FTO: variants seen among roughly 807,000 people sequenced by gnomAD.
FTO encodes alpha-ketoglutarate-dependent dioxygenase FTO.
In FTO, 47 loss-of-function variants were observed where a neutral mutation model predicts 63.9. The observed-to-expected ratio is 0.74, with a 90% CI of 0.58 to 0.94. The LOEUF (loss-of-function observed/expected upper bound fraction) is 0.94. FTO is among the 40% of genes least tolerant of loss of function. The pLI is 0.00. For missense variants in FTO, 562 were observed against 618.1 expected (o/e 0.91, Z 0.96); for synonymous variants, 207 against 224.4 (o/e 0.92, Z 0.69).
intron 8 of FTO, among the ~76,000 whole-genome samples, chr16:54,031,986 C>T (rs2084842829): frequency 6.6e-6 from 1 of 152,072 alleles, no homozygotes; most frequent in South Asian, 2.1e-4. Flanking sequence ...CTGGCTGAAA[C>T]AGAAAATTCA....
intron 2 of FTO, among the ~76,000 whole-genome samples, chr16:53,811,257 T>G (rs11649091): frequency 0.34 from 51,104 of 151,986 alleles, 10,061 homozygotes; most frequent in Non-Finnish European, 0.44. Flanking sequence ...AATAATAAAT[T>G]TTCACCTCTT....
chr16:53,706,500 C>G (rs2075623966), intron 1 of FTO, among the ~76,000 whole-genome samples: 1 of 152,104 alleles, frequency 6.6e-6, no homozygotes, highest in African/African-American at 2.4e-5. Flanking sequence ...TCTGTATTTT[C>G]TAGATTTCAT....
chr16:53,831,788 C>T lies in FTO; in HGVS notation c.751+5297C>T, dbSNP rs1200410076. Among the ~76,000 whole-genome samples the T allele has an allele frequency of 2.6e-5, 4 of 151,852 alleles. 1 individual carries two copies. The highest frequency in any genetic ancestry group is 5.9e-5 in the Non-Finnish European group (4 of 68,018). Reference sequence around the variant, plus strand: ...CACTGAGAAATTTGAAGCGGGAGCACATAGGCGGGAAGATAGAACATGATT... The same window carrying T: ...CACTGAGAAATTTGAAGCGGGAGCATATAGGCGGGAAGATAGAACATGATT... On this transcript the variant is annotated intron_variant, in intron 3 of 8. Transcript: ENST00000471389.
chr16:54,094,058 G>T (rs1488415222), intron 8 of FTO, among the ~76,000 whole-genome samples: 1 of 152,088 alleles, frequency 6.6e-6, no homozygotes, highest in Non-Finnish European at 1.5e-5. Context: ...ATCACCCCCA[G>T]ACAGTGAAGG....
At chr16:53,777,167 C>T (rs1295590875) in intron 1 of FTO, among the ~76,000 whole-genome samples, 1 of 152,100 alleles carries the variant, frequency 6.6e-6, no homozygotes, top group South Asian at 2.1e-4. Context: ...CTTAGGTCTC[C>T]TGTCAAACTG....
At chr16:53,957,254 C>A (rs535320154) in intron 8 of FTO, among the ~76,000 whole-genome samples, 1 of 152,148 alleles carries the variant, frequency 6.6e-6, no homozygotes, top group Non-Finnish European at 1.5e-5. Context: ...AATTAAACCA[C>A]GATTTGACAG....
At chr16:53,727,773 C>T (rs952064410) in intron 1 of FTO, among the ~76,000 whole-genome samples, 3 of 152,118 alleles carry the variant, frequency 2.0e-5, no homozygotes, top group Admixed American at 1.3e-4. Context: ...TCACTGAACC[C>T]CTTAGTCTCA....
At chr16:54,063,674 C>T (rs1231505571) in intron 8 of FTO, 1 of 150,688 alleles carries the variant, frequency 6.6e-6, no homozygotes, top group Non-Finnish European at 1.5e-5. Flanking sequence ...CCCAGAGGCA[C>T]AGCCATTTAG....
chr16:53,953,875 G>T (rs1238254552), intron 8 of FTO, among the ~76,000 whole-genome samples: 1 of 152,166 alleles, frequency 6.6e-6, no homozygotes, highest in Non-Finnish European at 1.5e-5. Flanking sequence ...TCTCCACAGT[G>T]CATTTTTGTG....
chr16:53,828,500 C>G (rs1312615411), intron 3 of FTO, among the ~76,000 whole-genome samples: 1 of 152,192 alleles, frequency 6.6e-6, no homozygotes, highest in Non-Finnish European at 1.5e-5. Context: ...AGCCACCATG[C>G]CCGGCCTCCT....
At chr16:53,816,861 A>C (rs1157912229) in intron 2 of FTO, among the ~76,000 whole-genome samples, 1 of 152,192 alleles carries the variant, frequency 6.6e-6, no homozygotes, top group East Asian at 1.9e-4. Context: ...TTCTAGAGAG[A>C]AAATAGACGT....
At chr16:54,101,520 T>C (rs1490192808) in intron 8 of FTO, among the ~76,000 whole-genome samples, 5 of 152,214 alleles carry the variant, frequency 3.3e-5, no homozygotes. Flanking sequence ...TTTATGGCTT[T>C]ATTGTATTCC....
intron 8 of FTO, among the ~76,000 whole-genome samples, chr16:53,990,015 G>A (rs2083767980): frequency 6.6e-6 from 1 of 151,662 alleles, no homozygotes; most frequent in South Asian, 2.1e-4. Context: ...GAATGTGTGT[G>A]TACATATAAA....
intron 4 of FTO, among the ~76,000 whole-genome samples, chr16:53,844,633 G>A (rs1352648476): frequency 7.3e-6 from 1 of 136,646 alleles, no homozygotes; most frequent in African/African-American, 2.7e-5. Flanking sequence ...TTAATATTTT[G>A]TATTTTTAGT....
chr16:53,901,281 G>A (rs577310285), intron 7 of FTO, among the ~76,000 whole-genome samples: 2 of 152,284 alleles, frequency 1.3e-5, no homozygotes, highest in East Asian at 1.9e-4. Context: ...TTGGTCAGAA[G>A]CAGGTCTTCC....
At chr16:53,957,508 A>C (rs1440400080) in intron 8 of FTO, among the ~76,000 whole-genome samples, 1 of 152,226 alleles carries the variant, frequency 6.6e-6, no homozygotes, top group African/African-American at 2.4e-5. Flanking sequence ...GTAGTGGAAT[A>C]GGGTCTGTGA....
At chr16:53,785,311 C>T (rs753605373) in intron 1 of FTO, among the ~76,000 whole-genome samples, 1 of 152,048 alleles carries the variant, frequency 6.6e-6, no homozygotes, top group Non-Finnish European at 1.5e-5. Flanking sequence ...ATGAAGTAGA[C>T]ATAAAATAAT....
rs141270327 is a variant in FTO, at chr16:54,112,194, G to C, written c.*279G>C. 1 of 446,408 alleles carries C rather than the reference G, an allele frequency of 2.2e-6. No homozygotes were observed. The highest frequency in any genetic ancestry group is 4.7e-5 in the East Asian group (1 of 21,166). 27.7% of individuals were successfully genotyped at this position (446,408 alleles called of 1,614,324 possible). A position where few individuals can be genotyped will look rare whatever the true frequency, so the allele number is the denominator to read the frequency against. ...ATTCAGCCCCCAAGGTCCAGGGCAG[G>C]CGACAGGAACGAGCCCAGCGTGTGA... On this transcript the variant is annotated 3_prime_UTR_variant, in exon 9 of 9. Transcript: ENST00000471389.
chr16:54,017,770 C>G (rs1198152327), intron 8 of FTO, among the ~76,000 whole-genome samples: 1 of 152,150 alleles, frequency 6.6e-6, no homozygotes, highest in Non-Finnish European at 1.5e-5. Context: ...AATCCTGGTG[C>G]TAATGAGCTT....
Sources: gnomAD v4.1 joint callset for allele counts (sites outside exome capture counted in the v4.1 genomes callset) on GRCh38, gnomAD v4.1.1 for gene constraint, MANE v1.5 for transcripts, NCBI Gene and HGNC (gene_info 2026-07-23, HGNC 2026-07-21) for gene names.